KIRREL3: variants seen among roughly 807,000 people sequenced by gnomAD.
The protein encoded by KIRREL3 is kin of IRRE-like protein 3.
KIRREL3 carries 36 observed loss-of-function variants against 89.7 expected under a neutral mutation model. The observed-to-expected ratio is 0.40, with a 90% CI of 0.31 to 0.53. The LOEUF (loss-of-function observed/expected upper bound fraction) is 0.53, where lower values mean the gene tolerates loss of function less well. Among genes scored for constraint, KIRREL3 ranks in the 20% least tolerant of loss-of-function variants. The pLI is 0.49. For synonymous variants in KIRREL3, 445 were observed against 441.4 expected, an observed-to-expected ratio of 1.01 and a Z score of -0.10; for missense variants, 864 against 1,056.6, an observed-to-expected ratio of 0.82 and a Z score of 2.53.
chr11:126,977,265 C>G lies in KIRREL3; in HGVS notation c.55+23190G>C, dbSNP rs1346176726. Among the ~76,000 whole-genome samples, 1 of 152,164 alleles carries G rather than the reference C, an allele frequency of 6.6e-6. No individual in the cohort carries two copies. Among genetic ancestry groups the G allele is most frequent in the Non-Finnish European group, 1.5e-5 (1 of 68,026 alleles). ...CAAAACTGAGCTCCTTGGAGAGTGTCTGCGCAGTCAGGTTGGTTTCTTCGG... is the reference window on the plus strand; with the variant it reads ...CAAAACTGAGCTCCTTGGAGAGTGTGTGCGCAGTCAGGTTGGTTTCTTCGG... On this transcript the variant is annotated intron_variant, in intron 1 of 16. Transcript: ENST00000525144. The surrounding 1 kb of genome is among the most constrained non-coding windows in gnomAD (Gnocchi z 4.7).
rs1159399577 is a variant in KIRREL3 at position 126,513,680 on chromosome 11, C to T, written c.433+7635G>A. 6.6e-6 allele frequency among the ~76,000 whole-genome samples: 1 copy of T among 152,254 alleles called. No homozygotes were observed. The highest frequency in any genetic ancestry group is 2.1e-4 in the South Asian group (1 of 4,830). On this transcript the variant is annotated intron_variant, in intron 4 of 16. Transcript: ENST00000525144. This position sits in a 1 kb window ranked among gnomAD's most constrained non-coding sequence, Gnocchi z 5.9. ...GTGGGTAAAGAGACAGAGGCCATGC[C>T]TGCCCATGGTAACATGCAGATTATG... is the stretch of plus-strand genomic sequence containing the variant.
At chr11:126,820,628 T>A (rs1943179496) in intron 1 of KIRREL3, among the ~76,000 whole-genome samples, 1 of 152,048 alleles carries the variant, frequency 6.6e-6, no homozygotes, top group East Asian at 1.9e-4. Flanking sequence ...GGGTGTTGAT[T>A]CAGGCCTGGA....
In KIRREL3 at chr11:126,683,538, G is replaced by GTTAC. The variant is rs796145115; in HGVS notation, c.56-120627_56-120626insGTAA. Among the ~76,000 whole-genome samples, 3 of 152,310 alleles carry GTTAC rather than the reference G, an allele frequency of 2.0e-5. No individual in the cohort carries two copies. The highest frequency in any genetic ancestry group is 7.2e-5 in the African/African-American group (3 of 41,580). On this transcript the variant is annotated intron_variant, in intron 1 of 16. Coordinates refer to ENST00000525144, the MANE Select transcript of KIRREL3 (RefSeq NM_032531.4). The surrounding 1 kb of genome is among the most constrained non-coding windows in gnomAD (Gnocchi z 5.2). Reference sequence around the variant, plus strand: ...TTCTTTCTTATCTGCAAAATGGGAAGAGTAAGGGCACCCATCTTGGAGGAG... The same window carrying GTTAC: ...TTCTTTCTTATCTGCAAAATGGGAAGTTACAGTAAGGGCACCCATCTTGGAGGAG...
At chr11:126,743,899 A>G (rs1001568360) in intron 1 of KIRREL3, among the ~76,000 whole-genome samples, 10 of 152,200 alleles carry the variant, frequency 6.6e-5, no homozygotes, top group African/African-American at 2.4e-4. Flanking sequence ...TGTGAGACCC[A>G]CAGCATGCAT....
chr11:126,856,775 G>A (rs773405468), intron 1 of KIRREL3, among the ~76,000 whole-genome samples: 5 of 151,568 alleles, frequency 3.3e-5, no homozygotes, highest in Non-Finnish European at 5.9e-5. Flanking sequence ...GCCACCATGC[G>A]CGGCTAATTT....
chr11:126,713,367 T>A (rs1421215294), intron 1 of KIRREL3, among the ~76,000 whole-genome samples: 2 of 152,092 alleles, frequency 1.3e-5, no homozygotes, highest in Non-Finnish European at 2.9e-5. Flanking sequence ...GGGGAGGGGA[T>A]GAGGGCAGGG....
rs902339340 is a variant in KIRREL3, at chr11:126,636,832, C to T, written c.56-73920G>A. Among the ~76,000 whole-genome samples the T allele has an allele frequency of 1.3e-5, 2 of 152,206 alleles. No individual in the cohort carries two copies. Among genetic ancestry groups the T allele is most frequent in the African/African-American group, 4.8e-5 (2 of 41,442 alleles). On this transcript the variant is annotated intron_variant, in intron 1 of 16. Transcript: ENST00000525144. The surrounding 1 kb of genome is among the most constrained non-coding windows in gnomAD (Gnocchi z 4.4). ...ATTTGTATCCCGGTTTAACCACTTA[C>T]TCTATAGCCTTAGGCAAGGCACTTA... is the stretch of plus-strand genomic sequence containing the variant.
chr11:126,908,240 T>C lies in KIRREL3; in HGVS notation c.55+92215A>G, dbSNP rs1946665985. Among the ~76,000 whole-genome samples the C allele has an allele frequency of 6.6e-6, 1 of 152,202 alleles. No individual in the cohort carries two copies. Among genetic ancestry groups the C allele is most frequent in the Non-Finnish European group, 1.5e-5 (1 of 68,040 alleles). On this transcript the variant is annotated intron_variant, in intron 1 of 16. Transcript: ENST00000525144. This position sits in a 1 kb window ranked among gnomAD's most constrained non-coding sequence, Gnocchi z 4.2. ...TATTTATTAAATAAATAAATCTAGG[T>C]GGATATTCCAATCGGTTGCTTTGAC...
intron 1 of KIRREL3, among the ~76,000 whole-genome samples, chr11:126,835,266 G>T (rs1943741650): frequency 6.6e-6 from 1 of 152,234 alleles, no homozygotes; most frequent in South Asian, 2.1e-4. Flanking sequence ...TGTGGCACTT[G>T]CTCAGGTTTA....
At chr11:126,757,959 T>C (rs778438023) in intron 1 of KIRREL3, among the ~76,000 whole-genome samples, 5 of 152,192 alleles carry the variant, frequency 3.3e-5, no homozygotes, top group Non-Finnish European at 7.3e-5. Flanking sequence ...AACCATTCAA[T>C]TGGTATCATT....
intron 1 of KIRREL3, among the ~76,000 whole-genome samples, chr11:126,580,291 C>T (rs767815064): frequency 5.9e-5 from 9 of 152,184 alleles, no homozygotes; most frequent in Non-Finnish European, 1.0e-4. Context: ...AGAGGACCCA[C>T]AGTTGGGGAG....
At position 126,890,821 on chromosome 11, in the gene KIRREL3, C is replaced by T. The variant is rs1945890245; in HGVS notation, c.55+109634G>A. 6.6e-6 allele frequency among the ~76,000 whole-genome samples: 1 copy of T among 152,228 alleles called. No homozygotes were observed. Among genetic ancestry groups the T allele is most frequent in the African/African-American group, 2.4e-5 (1 of 41,454 alleles). ...TGCCCAGCGCTGCCCCAGCATCCTC[C>T]CAACCACTGTCCTCAGCATTGTTTC... is the stretch of plus-strand genomic sequence containing the variant. On this transcript the variant is annotated intron_variant, in intron 1 of 16. Transcript: ENST00000525144. The surrounding 1 kb of genome is among the most constrained non-coding windows in gnomAD (Gnocchi z 5.1).
Position 126,752,636 on chromosome 11 carries a change from C to CG in KIRREL3, c.56-189725_56-189724insC, listed in dbSNP as rs574829871. ...GCACTCTAATGACTACTATTCCCCC[C>CG]CCACCCACTGCCTCCCAAGATTCAC... On this transcript the variant is annotated intron_variant, in intron 1 of 16. Coordinates refer to ENST00000525144, the MANE Select transcript of KIRREL3 (RefSeq NM_032531.4). The surrounding 1 kb of genome is among the most constrained non-coding windows in gnomAD (Gnocchi z 4.8). Among the ~76,000 whole-genome samples, 153 of 152,230 alleles carry CG rather than the reference C, an allele frequency of 1.0e-3. 1 individual carries two copies. The South Asian group carries it at 0.03, about 30-fold the overall frequency.
At chr11:126,839,664 C>T (rs1943897159) in intron 1 of KIRREL3, among the ~76,000 whole-genome samples, 1 of 152,116 alleles carries the variant, frequency 6.6e-6, no homozygotes. Flanking sequence ...CAATCGAGGC[C>T]ATTGTGTGAA....
At chr11:126,949,268 A>G (rs1307266228) in intron 1 of KIRREL3, among the ~76,000 whole-genome samples, 1 of 152,200 alleles carries the variant, frequency 6.6e-6, no homozygotes, top group Non-Finnish European at 1.5e-5. Flanking sequence ...TGATCTCACC[A>G]TGTGGTTACC....
rs1565621408 is a variant in KIRREL3 at position 126,652,229 on chromosome 11, AC to A, written c.56-89318del. ...TTTGGTTGAGTTCCGGTGTCTGTTA[AC>A]CCCCCACCCCTTGTTCTTTGTGTGA... is the stretch of plus-strand genomic sequence containing the variant. On this transcript the variant is annotated intron_variant, in intron 1 of 16. Transcript: ENST00000525144. The surrounding 1 kb of genome is among the most constrained non-coding windows in gnomAD (Gnocchi z 4.9). 6.6e-6 allele frequency among the ~76,000 whole-genome samples: 1 copy of A among 151,354 alleles called. No individual in the cohort carries two copies. Among genetic ancestry groups the A allele is most frequent in the Non-Finnish European group, 1.5e-5 (1 of 67,800 alleles).
At position 126,921,376 on chromosome 11, in the gene KIRREL3, C is replaced by T. The variant is rs79218766; in HGVS notation, c.55+79079G>A. The stretch of plus-strand genomic sequence containing the variant: ...TGTGAGCCAATTCACCTGATAAATT[C>T]CCTCATCCTGTCTTGTATCTATCTA... On this transcript the variant is annotated intron_variant, in intron 1 of 16. Transcript: ENST00000525144. 2.4e-3 allele frequency among the ~76,000 whole-genome samples: 364 copies of T among 152,106 alleles called. 2 individuals carry two copies. The highest frequency in any genetic ancestry group is 0.014 in the Admixed American group (210 of 15,274).
At position 126,433,954 on chromosome 11, in the gene KIRREL3, C is replaced by T. The variant is rs554270476; in HGVS notation, c.1588+1314G>A. ...TTCCGATCCTGGGATCCCCAGCCCA[C>T]GTTTCCACACGCTGCTGACGGCTGG... On this transcript the variant is annotated intron_variant, in intron 13 of 16. Transcript: ENST00000525144. 3.9e-5 allele frequency among the ~76,000 whole-genome samples: 6 copies of T among 152,354 alleles called. No individual in the cohort carries two copies. The East Asian group carries it at 7.7e-4, about 20-fold the overall frequency.
In KIRREL3 at chr11:126,985,621, A is replaced by G. The variant is rs1256979543; in HGVS notation, c.55+14834T>C. 6.6e-6 allele frequency among the ~76,000 whole-genome samples: 1 copy of G among 152,048 alleles called. No individual in the cohort carries two copies. Among genetic ancestry groups the G allele is most frequent in the African/African-American group, 2.4e-5 (1 of 41,398 alleles). Reference sequence around the variant, plus strand: ...TCCAGAGGGACAGGAGGCACGAGGGAGCAGAGCACATTCGGACAATGTCAG... The same window carrying G: ...TCCAGAGGGACAGGAGGCACGAGGGGGCAGAGCACATTCGGACAATGTCAG... On this transcript the variant is annotated intron_variant, in intron 1 of 16. Coordinates refer to ENST00000525144, the MANE Select transcript of KIRREL3 (RefSeq NM_032531.4). This position sits in a 1 kb window ranked among gnomAD's most constrained non-coding sequence, Gnocchi z 5.3.
Sources: gnomAD v4.1 joint callset for allele counts (sites outside exome capture counted in the v4.1 genomes callset) on GRCh38, gnomAD v4.1.1 for gene constraint, Gnocchi (gnomAD v3.1) non-coding constraint, MANE v1.5 for transcripts, NCBI Gene and HGNC (gene_info 2026-07-23, HGNC 2026-07-21) for gene names.